Variants in RBFOX1 observed in about 807,000 individuals in gnomAD.
RBFOX1 encodes the protein RNA binding protein fox-1 homolog 1.
A neutral mutation model predicts 57.7 loss-of-function variants in RBFOX1; 8 were observed. The ratio of observed to expected loss-of-function variants is 0.14; its 90% confidence interval spans 0.08 to 0.25. RBFOX1 has a LOEUF of 0.25. RBFOX1 is among the 10% of genes least tolerant of loss of function. The probability of loss-of-function intolerance (pLI) is 1.00; values close to 1 mark genes in which losing one functional copy is unlikely to be tolerated. For synonymous variants in RBFOX1, 326 were observed against 222.4 expected (o/e 1.47, Z -4.15); for missense variants, 611 against 548.5 (o/e 1.11, Z -1.14).
chr16:7,257,312 G>A (rs1423431535), intron 4 of RBFOX1, among the ~76,000 whole-genome samples: 1 of 152,150 alleles, frequency 6.6e-6, no homozygotes, highest in Non-Finnish European at 1.5e-5. Flanking sequence ...CGCTTCCTGT[G>A]TATTTCCCAC....
chr16:7,566,782 C>T (rs950864742), intron 5 of RBFOX1, among the ~76,000 whole-genome samples: 2 of 152,052 alleles, frequency 1.3e-5, no homozygotes, highest in Non-Finnish European at 1.5e-5. Flanking sequence ...GAAGCAAAAG[C>T]CTTCCTCAGT....
intron 4 of RBFOX1, among the ~76,000 whole-genome samples, chr16:5,955,835 G>A (rs537279132): frequency 6.6e-6 from 1 of 152,340 alleles, no homozygotes; most frequent in East Asian, 1.9e-4. Context: ...TATATGACAT[G>A]TTAATGTAGT....
intron 4 of RBFOX1, among the ~76,000 whole-genome samples, chr16:7,492,377 G>A (rs566714920): frequency 6.6e-6 from 1 of 152,100 alleles, no homozygotes; most frequent in Non-Finnish European, 1.5e-5. Context: ...GTATTTAAAT[G>A]ACTATGTGAC....
intron 4 of RBFOX1, among the ~76,000 whole-genome samples, chr16:7,115,014 C>T (rs1054702692): frequency 6.6e-6 from 1 of 152,156 alleles, no homozygotes; most frequent in Non-Finnish European, 1.5e-5. Context: ...TACTCTTTAG[C>T]TCCTTAAGGA....
intron 3 of RBFOX1, among the ~76,000 whole-genome samples, chr16:6,939,031 T>G (rs778325837): frequency 4.6e-5 from 7 of 152,216 alleles, no homozygotes; most frequent in Non-Finnish European, 1.0e-4. Flanking sequence ...TGCCTTGACA[T>G]GTGACGAACT....
intron 4 of RBFOX1, among the ~76,000 whole-genome samples, chr16:7,289,535 C>G (rs1394316013): frequency 6.6e-6 from 1 of 152,052 alleles, no homozygotes; most frequent in Non-Finnish European, 1.5e-5. Context: ...ACCATTATCA[C>G]CATCAGCATC....
intron 3 of RBFOX1, among the ~76,000 whole-genome samples, chr16:6,837,192 G>C (rs2093162845): frequency 6.6e-6 from 1 of 152,204 alleles, no homozygotes; most frequent in Admixed American, 6.5e-5. Context: ...AATCAGGTTA[G>C]GTTGTACTAG....
chr16:5,786,295 G>A (rs1260651484), intron 3 of RBFOX1, among the ~76,000 whole-genome samples: 2 of 152,052 alleles, frequency 1.3e-5, no homozygotes, highest in Non-Finnish European at 2.9e-5. Flanking sequence ...TTAGCTCTGG[G>A]AAAAATGAAC....
intron 1 of RBFOX1, among the ~76,000 whole-genome samples, chr16:5,413,387 C>T (rs1436647704): frequency 6.6e-6 from 1 of 152,150 alleles, no homozygotes; most frequent in Non-Finnish European, 1.5e-5. Flanking sequence ...TCTGCTTGAC[C>T]TAGGGTTGCA....
At chr16:7,101,706 T>A (rs530111196) in intron 4 of RBFOX1, among the ~76,000 whole-genome samples, 60 of 152,274 alleles carry the variant, frequency 3.9e-4, no homozygotes, top group African/African-American at 1.1e-3. Context: ...GGTGATTTTT[T>A]AAAAATGTAT....
At chr16:6,243,834 T>A (rs1393261000) in intron 1 of RBFOX1, among the ~76,000 whole-genome samples, 2 of 152,084 alleles carry the variant, frequency 1.3e-5, no homozygotes, top group East Asian at 3.9e-4. Context: ...AGATCCTGCC[T>A]GAGATGAAAG....
At chr16:7,389,416 G>T (rs913258850) in intron 4 of RBFOX1, among the ~76,000 whole-genome samples, 6 of 152,162 alleles carry the variant, frequency 3.9e-5, no homozygotes, top group Non-Finnish European at 5.9e-5. Flanking sequence ...ATGAGCCACA[G>T]TGCCCAGCCA....
At chr16:7,513,446 A>C (rs1373696632) in intron 4 of RBFOX1, among the ~76,000 whole-genome samples, 1 of 152,120 alleles carries the variant, frequency 6.6e-6, no homozygotes, top group East Asian at 1.9e-4. Flanking sequence ...TTTGATGACA[A>C]GGTAAATTGA....
chr16:6,811,404 A>C (rs1030273538), intron 3 of RBFOX1, among the ~76,000 whole-genome samples: 1 of 152,234 alleles, frequency 6.6e-6, no homozygotes, highest in Non-Finnish European at 1.5e-5. Context: ...GATAACATTG[A>C]ATATTTTAAT....
At chr16:5,719,046 C>T (rs1238203999) in intron 3 of RBFOX1, among the ~76,000 whole-genome samples, 1 of 151,768 alleles carries the variant, frequency 6.6e-6, no homozygotes, top group East Asian at 1.9e-4. Flanking sequence ...GTATAAGTGA[C>T]TGGCAGATAG....
rs190012855 is a variant in RBFOX1, at chr16:5,967,215, A to C, written c.351+99880A>C. Reference sequence around the variant, plus strand: ...AAAAACATTTGCCAGTCCCAGGACTAGACCAGAGGTCTGAAAGCTTTTTTG... The same window carrying C: ...AAAAACATTTGCCAGTCCCAGGACTCGACCAGAGGTCTGAAAGCTTTTTTG... On this transcript the variant is annotated intron_variant, in intron 4 of 19. Coordinates refer to the RBFOX1 transcript ENST00000641259. Among the ~76,000 whole-genome samples the C allele has an allele frequency of 6.6e-5, 10 of 152,332 alleles. No homozygotes were observed. In the East Asian group the frequency reaches 1.9e-3, roughly 29 times the overall value.
intron 1 of RBFOX1, among the ~76,000 whole-genome samples, chr16:5,405,245 C>G (rs973145884): frequency 3.9e-5 from 6 of 152,128 alleles, no homozygotes; most frequent in Non-Finnish European, 7.4e-5. Context: ...ACCCCCACCC[C>G]CAAATATAAT....
intron 4 of RBFOX1, among the ~76,000 whole-genome samples, chr16:7,199,126 C>T (rs2087589570): frequency 6.6e-6 from 1 of 152,120 alleles, no homozygotes; most frequent in Non-Finnish European, 1.5e-5. Context: ...TGACAGCTCA[C>T]AATGTTAGGG....
chr16:6,255,640 G>A (rs769425353), intron 1 of RBFOX1, among the ~76,000 whole-genome samples: 3 of 151,966 alleles, frequency 2.0e-5, no homozygotes, highest in Non-Finnish European at 4.4e-5. Flanking sequence ...GGTGCCTGTG[G>A]TCAACCTGGA....
Sources: gnomAD v4.1 joint callset for allele counts (sites outside exome capture counted in the v4.1 genomes callset) on GRCh38, gnomAD v4.1.1 for gene constraint, MANE v1.5 for transcripts, NCBI Gene and HGNC (gene_info 2026-07-23, HGNC 2026-07-21) for gene names.